The following TENM3 variants were observed in gnomAD, a reference collection of about 807,000 sequenced individuals.
TENM3 encodes teneurin-3.
Under a neutral mutation model 255.1 loss-of-function variants are expected in TENM3, and 63 were observed. The observed-to-expected ratio is 0.25, with a 90% CI of 0.20 to 0.30. TENM3 has a LOEUF of 0.30. Among genes scored for constraint, TENM3 ranks in the 10% least tolerant of loss-of-function variants. The pLI, the probability that TENM3 is intolerant of heterozygous loss-of-function variation, is 1.00. For missense variants in TENM3, 2,929 were observed against 3,461.1 expected (o/e 0.85, Z 3.86); for synonymous variants, 1,306 against 1,322.3 (o/e 0.99, Z 0.27).
intron 3 of TENM3, among the ~76,000 whole-genome samples, chr4:182,469,778 T>C (rs1258824156): frequency 2.0e-5 from 3 of 152,118 alleles, no homozygotes; most frequent in African/African-American, 7.2e-5. Flanking sequence ...TTCTCTCCAT[T>C]ATACCAATAG....
Position 182,285,585 on chromosome 4 carries a change from G to A in TENM3, c.-75-38361G>A, listed in dbSNP as rs146916149. Among the ~76,000 whole-genome samples, 34 of 152,252 alleles carry A rather than the reference G, an allele frequency of 2.2e-4. No individual in the cohort carries two copies. The East Asian group carries it at 6.6e-3, about 29-fold the overall frequency. Reference sequence around the variant, plus strand: ...CCTACAGATTGCAAGTCCTCTAGAAGGTGCATGAGGAAACTGCTCATTTTA... The same window carrying A: ...CCTACAGATTGCAAGTCCTCTAGAAAGTGCATGAGGAAACTGCTCATTTTA... On this transcript the variant is annotated intron_variant, in intron 1 of 27. Coordinates refer to ENST00000511685, the MANE Select transcript of TENM3 (RefSeq NM_001080477.4).
chr4:182,450,784 T>C (rs1307271480), intron 3 of TENM3, among the ~76,000 whole-genome samples: 1 of 152,220 alleles, frequency 6.6e-6, no homozygotes, highest in African/African-American at 2.4e-5. Flanking sequence ...GCTGTGAAGA[T>C]AGAGAAGAAT....
At chr4:182,067,261 G>A in the TENM3 span, among the ~76,000 whole-genome samples, 1 of 152,132 alleles carries the variant, frequency 6.6e-6, no homozygotes, top group South Asian at 2.1e-4. Context: ...GCAGAAACTA[G>A]ATATGACATC....
the TENM3 span, among the ~76,000 whole-genome samples, chr4:181,454,965 C>T: frequency 6.6e-6 from 1 of 152,080 alleles, no homozygotes. Context: ...ACCTTCCCAT[C>T]ATTAAGCAAT....
chr4:182,180,325 T>A (rs1159089188), intron 1 of TENM3, among the ~76,000 whole-genome samples: 1 of 152,222 alleles, frequency 6.6e-6, no homozygotes, highest in Non-Finnish European at 1.5e-5. Context: ...CCCATGTGTC[T>A]GCATTACTTG....
the TENM3 span, among the ~76,000 whole-genome samples, chr4:181,829,644 G>A: frequency 1.2e-4 from 18 of 152,290 alleles, no homozygotes; most frequent in African/African-American, 3.6e-4. Flanking sequence ...GGCTCCAGGC[G>A]AGGTAGGGAG....
At chr4:182,125,960 T>C in the TENM3 span, among the ~76,000 whole-genome samples, 2 of 152,252 alleles carry the variant, frequency 1.3e-5, no homozygotes, top group East Asian at 1.9e-4. Flanking sequence ...CAAAGTAATG[T>C]CTACTCTAAT....
chr4:182,066,026 T>C, the TENM3 span, among the ~76,000 whole-genome samples: 3 of 152,312 alleles, frequency 2.0e-5, no homozygotes, highest in African/African-American at 7.2e-5. Flanking sequence ...AGGAGTCTAA[T>C]TGCTGGGTCA....
intron 22 of TENM3, among the ~76,000 whole-genome samples, chr4:182,770,620 A>T (rs1764124575): frequency 6.6e-6 from 1 of 151,634 alleles, no homozygotes; most frequent in Admixed American, 6.5e-5. Context: ...CCAGGTCCCC[A>T]CCTGGGTGCA....
intron 3 of TENM3, among the ~76,000 whole-genome samples, chr4:182,451,154 G>A (rs1191963537): frequency 6.6e-6 from 1 of 152,026 alleles, no homozygotes; most frequent in Non-Finnish European, 1.5e-5. Flanking sequence ...TTATGTAAAA[G>A]CCCTCTTTTA....
the TENM3 span, among the ~76,000 whole-genome samples, chr4:181,911,650 G>A: frequency 1.3e-5 from 2 of 152,064 alleles, no homozygotes; most frequent in African/African-American, 4.8e-5. Flanking sequence ...TCTGGCTCTG[G>A]GAAGTTTTTG....
At chr4:181,473,390 C>A in the TENM3 span, among the ~76,000 whole-genome samples, 1 of 152,094 alleles carries the variant, frequency 6.6e-6, no homozygotes, top group South Asian at 2.1e-4. Flanking sequence ...GAGTTTGAGA[C>A]CAGCCTGGAC....
the TENM3 span, among the ~76,000 whole-genome samples, chr4:181,680,649 AG>A: frequency 9.7e-4 from 147 of 152,250 alleles, 6 homozygotes; most frequent in South Asian, 0.029. Flanking sequence ...TAGAGAGTAA[AG>A]GTATCATAAT....
At chr4:182,651,902 T>C (rs1160228345) in intron 5 of TENM3, among the ~76,000 whole-genome samples, 1 of 152,208 alleles carries the variant, frequency 6.6e-6, no homozygotes, top group Non-Finnish European at 1.5e-5. Flanking sequence ...ATCCTAAAAC[T>C]ACCAAATTTT....
the TENM3 span, among the ~76,000 whole-genome samples, chr4:181,794,203 C>T: frequency 1.3e-5 from 2 of 152,052 alleles, no homozygotes; most frequent in Non-Finnish European, 2.9e-5. Context: ...TATATATACA[C>T]ACTGCAAAGT....
the TENM3 span, among the ~76,000 whole-genome samples, chr4:181,746,898 T>C: frequency 1.3e-5 from 2 of 152,048 alleles, no homozygotes; most frequent in Non-Finnish European, 2.9e-5. Flanking sequence ...TGCCAAAATG[T>C]ATTTAGTCAG....
the TENM3 span, among the ~76,000 whole-genome samples, chr4:181,529,978 T>C: frequency 4.6e-5 from 7 of 152,154 alleles, no homozygotes; most frequent in Non-Finnish European, 8.8e-5. Context: ...TAAGTAAGAA[T>C]AGGACACATA....
the TENM3 span, among the ~76,000 whole-genome samples, chr4:181,929,771 A>G: frequency 6.6e-6 from 1 of 152,332 alleles, no homozygotes; most frequent in East Asian, 1.9e-4. Flanking sequence ...AATTAACCAC[A>G]TAATAGGAGG....
chr4:182,489,309 G>A (rs575472341), intron 3 of TENM3, among the ~76,000 whole-genome samples: 42 of 152,258 alleles, frequency 2.8e-4, no homozygotes, highest in Admixed American at 8.5e-4. Context: ...TTATGTATAT[G>A]TGATCTCTAA....
Sources: gnomAD v4.1 joint callset for allele counts (sites outside exome capture counted in the v4.1 genomes callset) on GRCh38, gnomAD v4.1.1 for gene constraint, MANE v1.5 for transcripts, NCBI Gene and HGNC (gene_info 2026-07-23, HGNC 2026-07-21) for gene names.